The following SLC24A1 variants were observed in gnomAD, a reference collection of about 807,000 sequenced individuals.
SLC24A1 encodes the protein solute carrier family 24 member 1, also known as sodium/potassium/calcium exchanger 1.
A neutral mutation model predicts 88.1 loss-of-function variants in SLC24A1; 52 were observed. The observed-to-expected ratio is 0.59, with a 90% CI of 0.47 to 0.74. The LOEUF (loss-of-function observed/expected upper bound fraction) is 0.74. Among genes scored for constraint, SLC24A1 ranks in the 30% least tolerant of loss-of-function variants. SLC24A1 has a pLI of 0.00. For synonymous variants in SLC24A1, 455 were observed against 498.0 expected (o/e 0.91, Z 1.15); for missense variants, 1,173 against 1,363.3 (o/e 0.86, Z 2.20).
At chr15:65,614,915 A>G (rs2074086713) in intron 2 of SLC24A1, among the ~76,000 whole-genome samples, 1 of 152,188 alleles carries the variant, frequency 6.6e-6, no homozygotes, top group Non-Finnish European at 1.5e-5. Flanking sequence ...TCTTTCTTCC[A>G]TACACTCTTT....
At position 65,625,539 on chromosome 15, in the gene SLC24A1, A is replaced by G. The variant is rs745977526; in HGVS notation, c.1459A>G (p.Lys487Glu). The change falls in exon 2 of 10, where the codon AAG (lysine) becomes GAG (glutamate). Residue 487 changes from lysine to glutamate, a missense_variant. Physicochemically the swap from Lys to Glu is moderately conservative, Grantham distance 56. Transcript: ENST00000261892. The part of the protein sequence containing the change: ...FVPALGVITD[K>E]LQISEDVAGA... ...TCCAGCCCTGGGTGTCATCACAGAC[A>G]AGCTGCAGATCTCCGAGGATGTGGC... is the stretch of plus-strand genomic sequence containing the variant. 6 of 1,613,910 alleles carry G rather than the reference A, an allele frequency of 3.7e-6. No homozygotes were observed. The highest frequency in any genetic ancestry group is 4.2e-6 in the Non-Finnish European group (5 of 1,179,906).
chr15:65,633,666 T>TA (rs1466444521), intron 2 of SLC24A1, among the ~76,000 whole-genome samples: 7 of 151,874 alleles, frequency 4.6e-5, no homozygotes, highest in African/African-American at 1.7e-4. Flanking sequence ...TCTCAAAAAA[T>TA]AAAAAAATTA....
intron 8 of SLC24A1, chr15:65,652,112 G>C (rs934039436): frequency 5.5e-6 from 2 of 366,678 alleles, no homozygotes; most frequent in African/African-American, 4.2e-5. Context: ...CTGCTCTCTG[G>C]CATTCAATTA....
downstream of SLC24A1, among the ~76,000 whole-genome samples, chr15:65,657,370 G>A (rs372934763): frequency 6.6e-6 from 1 of 152,266 alleles, no homozygotes; most frequent in Non-Finnish European, 1.5e-5. Context: ...GGCCGGGCGC[G>A]GTGGCTCATG....
At chr15:65,634,236 T>C (rs1304991850) in intron 2 of SLC24A1, among the ~76,000 whole-genome samples, 1 of 152,026 alleles carries the variant, frequency 6.6e-6, no homozygotes, top group Non-Finnish European at 1.5e-5. Context: ...GACTAACGTG[T>C]GGTTCAGGAA....
At chr15:65,651,879 T>C (rs757719525) in intron 8 of SLC24A1, 120 bp downstream of exon 8, 3 of 701,284 alleles carry the variant, frequency 4.3e-6, no homozygotes, top group South Asian at 3.0e-5. Context: ...AGTTTCTATG[T>C]TGTTTGTAAA....
In SLC24A1 at chr15:65,653,852, T is replaced by C; in HGVS notation, c.3073T>C (p.Phe1025Leu). ...TVGLPVPWLL[F>L]SLINGLQPVP... ...CAGCTTGCCTGTTCCTTGGTTGCTT[T>C]TCTCTCTTATCAATGGATTACAGCC... Residue 1025 changes from phenylalanine (F) to leucine (L), a missense_variant, in exon 10 of 10, where the codon TTC (phenylalanine) becomes CTC (leucine). Transcript: ENST00000261892. The C allele has an allele frequency of 1.2e-6, 2 of 1,613,948 alleles. No homozygotes were observed. The highest frequency in any genetic ancestry group is 1.7e-6 in the Non-Finnish European group (2 of 1,179,832).
intron 1 of SLC24A1, among the ~76,000 whole-genome samples, chr15:65,622,771 T>C (rs1325911862): frequency 6.6e-6 from 1 of 151,708 alleles, no homozygotes; most frequent in Non-Finnish European, 1.5e-5. Context: ...AGACAGAGTC[T>C]TGCTCTGTTG....
At chr15:65,627,308 C>T (rs1015189820) in intron 2 of SLC24A1, among the ~76,000 whole-genome samples, 11 of 152,202 alleles carry the variant, frequency 7.2e-5, no homozygotes, top group African/African-American at 2.7e-4. Context: ...CTAACTCTAA[C>T]ATTCTATGAT....
chr15:65,656,524 ATGC>A (rs1486530579), downstream of SLC24A1, among the ~76,000 whole-genome samples: 1 of 152,252 alleles, frequency 6.6e-6, no homozygotes, highest in Non-Finnish European at 1.5e-5. Flanking sequence ...TATTAAAATC[ATGC>A]TGTTTTAGAG....
chr15:65,655,709 C>T lies in SLC24A1; in HGVS notation c.*1630C>T. 1 of 985,280 alleles carries T rather than the reference C, an allele frequency of 1.0e-6. No individual in the cohort carries two copies. The highest frequency in any genetic ancestry group is 1.2e-6 in the Non-Finnish European group (1 of 829,856). The allele number at this position is 985,280 out of a possible 1,614,324, so 61.0% of individuals were successfully genotyped here. On this transcript the variant is annotated 3_prime_UTR_variant, in exon 10 of 10. Coordinates refer to ENST00000261892, the MANE Select transcript of SLC24A1 (RefSeq NM_004727.3). ...GGACGGATGTGATATGAAAAAAACC[C>T]AAACATTTTGGCATTGAATGATGGC...
downstream of SLC24A1, chr15:65,659,322 G>GTT (rs869058369): frequency 1.4e-5 from 1 of 71,604 alleles, no homozygotes; most frequent in African/African-American, 7.7e-5. Flanking sequence ...ATATTTTCTG[G>GTT]TTTTTTTTTT....
chr15:65,652,428 A>C, intron 8 of SLC24A1: 1 of 500,978 alleles, frequency 2.0e-6, no homozygotes, highest in Non-Finnish European at 3.6e-6. Context: ...AAAGAAGAGC[A>C]ACATGGTCCC....
chr15:65,633,417 T>C (rs1284408424), intron 2 of SLC24A1, among the ~76,000 whole-genome samples: 1 of 152,190 alleles, frequency 6.6e-6, no homozygotes, highest in Non-Finnish European at 1.5e-5. Context: ...TCCAGCACTT[T>C]GGGAGGCTGA....
At chr15:65,622,697 C>T (rs1263368318) in intron 1 of SLC24A1, among the ~76,000 whole-genome samples, 1 of 151,760 alleles carries the variant, frequency 6.6e-6, no homozygotes, top group Non-Finnish European at 1.5e-5. Context: ...CATGTTCTTC[C>T]CTCCTTCATT....
At chr15:65,647,518 A>C (rs1039590245) in intron 6 of SLC24A1, among the ~76,000 whole-genome samples, 7 of 151,500 alleles carry the variant, frequency 4.6e-5, no homozygotes, top group African/African-American at 1.7e-4. Context: ...CAGAGAGAGA[A>C]AGAATCGGTT....
At chr15:65,656,279 C>T (rs577883972), downstream of SLC24A1, 28 of 983,794 alleles carry the variant, frequency 2.8e-5, no homozygotes, top group African/African-American at 4.5e-4. Flanking sequence ...TCCCAGTTTG[C>T]TGAATTTCTG....
At position 65,639,657 on chromosome 15, in the gene SLC24A1, C is replaced by T. The variant is rs2075058926; in HGVS notation, c.2007C>T (p.Ser669=). 1 of 1,613,088 alleles carries T rather than the reference C, an allele frequency of 6.2e-7. No individual in the cohort carries two copies. The highest frequency in any genetic ancestry group is 1.7e-5 in the Admixed American group (1 of 59,940). ...CTCTGCACAACAGCACCATCCGCAGCACCATCTACCAGCTCATGCTCCACA... is the reference window on the plus strand; with the variant it reads ...CTCTGCACAACAGCACCATCCGCAGTACCATCTACCAGCTCATGCTCCACA... ...STSLHNSTIR[S]TIYQLMLHSL... The change falls in exon 4 of 10, where the codon AGC becomes AGT. Residue 669 remains serine, a synonymous_variant. Transcript: ENST00000261892.
chr15:65,643,503 C>T (rs1288739306), intron 4 of SLC24A1, among the ~76,000 whole-genome samples: 1 of 152,224 alleles, frequency 6.6e-6, no homozygotes, highest in Non-Finnish European at 1.5e-5. Context: ...CCGTAGATCC[C>T]ATGACACCAC....
Sources: gnomAD v4.1 joint callset for allele counts (sites outside exome capture counted in the v4.1 genomes callset) on GRCh38, gnomAD v4.1.1 for gene constraint, MANE v1.5 for transcripts, NCBI Gene and HGNC (gene_info 2026-07-23, HGNC 2026-07-21) for gene names.